The following NYNRIN variants were observed in gnomAD, a reference collection of about 807,000 sequenced individuals.
NYNRIN encodes the protein NYN domain and retroviral integrase containing, also known as protein NYNRIN.
A neutral mutation model predicts 146.6 loss-of-function variants in NYNRIN; 86 were observed. The observed-to-expected ratio is 0.59, with a 90% CI of 0.49 to 0.70. The LOEUF (loss-of-function observed/expected upper bound fraction) is 0.70, where lower values mean the gene tolerates loss of function less well. NYNRIN is among the 30% of genes least tolerant of loss of function. The probability of loss-of-function intolerance (pLI) is 0.00; values close to 1 mark genes in which losing one functional copy is unlikely to be tolerated. For synonymous variants in NYNRIN, 1,027 were observed against 1,001.3 expected (o/e 1.03, Z -0.48); for missense variants, 2,191 against 2,377.7 (o/e 0.92, Z 1.63).
chr14:24,416,401 T>A lies in NYNRIN; in HGVS notation c.4652T>A (p.Ile1551Asn). 1 of 1,612,980 alleles carries A rather than the reference T, an allele frequency of 6.2e-7. No individual in the cohort carries two copies. The highest frequency in any genetic ancestry group is 8.5e-7 in the Non-Finnish European group (1 of 1,179,400). Residue 1551 changes from isoleucine to asparagine, a missense_variant, in exon 9 of 9, where the codon ATT becomes AAT. Physicochemically the swap from Ile to Asn is moderately radical, Grantham distance 149. This residue lies in a region of NYNRIN where 1,291 missense variants were observed against 1,417.0 expected (regional missense o/e 0.91). Coordinates refer to ENST00000382554, the MANE Select transcript of NYNRIN (RefSeq NM_025081.3). ...GATCTGATTTTCTCTGTGCATGACA[T>A]TCCCTTGGGGGCCCACCAGAGGCCC... is the stretch of plus-strand genomic sequence containing the variant. ...RRDLIFSVHD[I>N]PLGAHQRPEE...
intron 2 of NYNRIN, 88 bp downstream of exon 2, chr14:24,399,532 A>G: frequency 1.7e-6 from 2 of 1,210,144 alleles, no homozygotes; most frequent in Non-Finnish European, 2.3e-6. Context: ...CCGCAGAGAC[A>G]CCACCCACCC....
chr14:24,399,208 A>G (rs1278612430), intron 1 of NYNRIN, 22 bp from the exon 2 acceptor site: 3 of 1,600,912 alleles, frequency 1.9e-6, no homozygotes, highest in Middle Eastern at 1.9e-4. Context: ...CCCGGGTGAC[A>G]CTATCGTCTC....
Position 24,399,067 on chromosome 14 carries a change from G to C in NYNRIN, c.-37G>C. The C allele has an allele frequency of 1.8e-6, 1 of 548,280 alleles. No homozygotes were observed. The highest frequency in any genetic ancestry group is 3.1e-6 in the Non-Finnish European group (1 of 320,020). 34.0% of individuals were successfully genotyped at this position (548,280 alleles called of 1,614,324 possible). On this transcript the variant is annotated 5_prime_UTR_variant, in exon 1 of 9. Coordinates refer to ENST00000382554, the MANE Select transcript of NYNRIN (RefSeq NM_025081.3). ...CGAAGGGGACCAAGCTCCAGAGGGC[G>C]GGCGCCCGAGCCGTGCGGGGTGGGT...
In NYNRIN at chr14:24,413,042, C is replaced by A; in HGVS notation, c.2688C>A (p.Thr896=). ...AGGAGACAGATGGCATCATTGTCAC[C>A]AATGAGCAGATTCACATCCTGATGA... ...LAEETDGIIV[T]NEQIHILMNS... is the part of the protein sequence containing the mutation. Residue 896 remains threonine (T), a synonymous_variant, in exon 7 of 9, where the codon ACC becomes ACA. Coordinates refer to ENST00000382554, the MANE Select transcript of NYNRIN (RefSeq NM_025081.3). 1 of 1,602,540 alleles carries A rather than the reference C, an allele frequency of 6.2e-7. No individual in the cohort carries two copies. Among genetic ancestry groups the A allele is most frequent in the South Asian group, 1.1e-5 (1 of 88,354 alleles).
chr14:24,418,381 C>T lies in NYNRIN; in HGVS notation c.*935C>T. On this transcript the variant is annotated 3_prime_UTR_variant, in exon 9 of 9. Transcript: ENST00000382554. ...CTCTACCTCCCAACCCCTCCCAACC[C>T]CATCCCAAAGCCTACAGTCCTCTGC... 2.4e-6 allele frequency: 1 copy of T among 423,406 alleles called. No individual in the cohort carries two copies. The highest frequency in any genetic ancestry group is 4.7e-6 in the Non-Finnish European group (1 of 211,788). 26.2% of individuals were successfully genotyped at this position (423,406 alleles called of 1,614,324 possible). A position where few individuals can be genotyped will look rare whatever the true frequency, so the allele number is the denominator to read the frequency against.
rs1297844334 is a variant in NYNRIN at position 24,409,218 on chromosome 14, A to C, written c.1424A>C (p.Asp475Ala). ...SSDVKDKVSS[D>A]LPQIGPPLTS... Reference sequence around the variant, plus strand: ...GATGTAAAAGACAAAGTTAGCTCGGATCTCCCACAGATAGGGCCACCCTTG... The same window carrying C: ...GATGTAAAAGACAAAGTTAGCTCGGCTCTCCCACAGATAGGGCCACCCTTG... Residue 475 changes from aspartate to alanine, a missense_variant, in exon 4 of 9, where the codon GAT becomes GCT. Asp to Ala is a moderately radical substitution (Grantham distance 126, BLOSUM62 -2). Coordinates refer to ENST00000382554, the MANE Select transcript of NYNRIN (RefSeq NM_025081.3). The C allele has an allele frequency of 6.2e-7, 1 of 1,613,842 alleles. No homozygotes were observed. The highest frequency in any genetic ancestry group is 1.7e-5 in the Admixed American group (1 of 59,988).
Position 24,414,867 on chromosome 14 carries a change from CG to C in NYNRIN, c.3120del (p.Cys1041AlafsTer74). The C allele has an allele frequency of 6.2e-7, 1 of 1,610,234 alleles. No individual in the cohort carries two copies. The highest frequency in any genetic ancestry group is 8.5e-7 in the Non-Finnish European group (1 of 1,177,162). On this transcript the variant is annotated frameshift_variant, in exon 9 of 9. Transcript: ENST00000382554. LOFTEE classifies it high-confidence loss of function. ...ECPSLSEEILRCLSLHDPPDG... is the reference protein window; with the variant it reads ...ECPSLSEEILXCLSLHDPPDG... ...CCCGTCCCTTTCGGAGGAGATCCTG[CG>C]GTGCCTCAGCCTCCATGATCCCCCT...
At chr14:24,405,724 G>T (rs1176647207) in intron 2 of NYNRIN, among the ~76,000 whole-genome samples, 1 of 151,958 alleles carries the variant, frequency 6.6e-6, no homozygotes, top group African/African-American at 2.4e-5. Context: ...TCTAAAATGG[G>T]GATAATAGTA....
Position 24,410,075 on chromosome 14 carries a change from G to C in NYNRIN, c.2281G>C (p.Ala761Pro). Residue 761 changes from alanine to proline, a missense_variant, in exon 4 of 9, where the codon GCG (alanine) becomes CCG (proline). By Grantham distance (27) the Ala-to-Pro change is conservative (BLOSUM62 -1). Around this residue, in one of 3 missense-constraint regions of NYNRIN, gnomAD observed 895 missense variants for 941.2 expected, o/e 0.95. Transcript: ENST00000382554. ...AAGGCAGCCACCTCGCCACCTGCAAGCGAACAGCACAGTGACCAGCTTCCA... is the reference window on the plus strand; with the variant it reads ...AAGGCAGCCACCTCGCCACCTGCAACCGAACAGCACAGTGACCAGCTTCCA... ...APRQPPRHLQ[A>P]NSTVTSFQRY... The C allele has an allele frequency of 6.2e-7, 1 of 1,614,004 alleles. No individual in the cohort carries two copies.
rs1193031586 is a variant in NYNRIN at position 24,417,936 on chromosome 14, C to G, written c.*490C>G. ...TTTTGGGGACCCTTTGCCCTTAGAG[C>G]TGTCACAGATGACATAAGCCTGGGC... On this transcript the variant is annotated 3_prime_UTR_variant, in exon 9 of 9. Coordinates refer to ENST00000382554, the MANE Select transcript of NYNRIN (RefSeq NM_025081.3). 9.0e-6 allele frequency: 2 copies of G among 221,358 alleles called. No individual in the cohort carries two copies. The highest frequency in any genetic ancestry group is 1.8e-5 in the Non-Finnish European group (2 of 109,728). The allele number at this position is 221,358 out of a possible 1,614,324, so 13.7% of individuals were successfully genotyped here. A position where few individuals can be genotyped will look rare whatever the true frequency, so the allele number is the denominator to read the frequency against.
At position 24,411,358 on chromosome 14, in the gene NYNRIN, C is replaced by T. The variant is rs1566486053; in HGVS notation, c.2550C>T (p.Ser850=). Reference sequence around the variant, plus strand: ...TCTTCTGCCTTTCACCCCCAGAGAGCCACTTTCTGACGAAGCTACACTCGC... The same window carrying T: ...TCTTCTGCCTTTCACCCCCAGAGAGTCACTTTCTGACGAAGCTACACTCGC... ...QLKKNRRVRE[S]HFLTKLHSLK... is the part of the protein sequence containing the mutation. The change falls in exon 6 of 9, where the codon AGC becomes AGT. Residue 850 remains serine (S), a synonymous_variant. Coordinates refer to ENST00000382554, the MANE Select transcript of NYNRIN (RefSeq NM_025081.3). The surrounding 1 kb of genome is among the most constrained non-coding windows in gnomAD (Gnocchi z 4.3). 6.2e-7 allele frequency: 1 copy of T among 1,613,962 alleles called. No homozygotes were observed. The highest frequency in any genetic ancestry group is 2.2e-5 in the East Asian group (1 of 44,878).
At chr14:24,410,280 A>G (rs1409377788) in intron 4 of NYNRIN, 72 bp downstream of exon 4, 23 of 1,281,392 alleles carry the variant, frequency 1.8e-5, no homozygotes, top group Non-Finnish European at 2.3e-5. Flanking sequence ...GGGGGACAGA[A>G]TGTGGGCATC....
In NYNRIN at chr14:24,415,035, T is replaced by G; in HGVS notation, c.3286T>G (p.Phe1096Val). The G allele has an allele frequency of 6.2e-7, 1 of 1,611,594 alleles. No homozygotes were observed. Among genetic ancestry groups the G allele is most frequent in the African/African-American group, 1.3e-5 (1 of 74,944 alleles). ...CCCCAGCAACTTCACCGCACTCTCC[T>G]TCTTCATGGGCTTCATGGACTCCCA... is the stretch of plus-strand genomic sequence containing the variant. ...TIPSNFTALSFFMGFMDSHRD... is the reference protein window; with the variant it reads ...TIPSNFTALSVFMGFMDSHRD... Residue 1096 changes from phenylalanine to valine, a missense_variant, in exon 9 of 9, where the codon TTC becomes GTC. Coordinates refer to ENST00000382554, the MANE Select transcript of NYNRIN (RefSeq NM_025081.3).
chr14:24,411,390 T>A lies in NYNRIN; in HGVS notation c.2582T>A (p.Met861Lys). 1 of 1,614,012 alleles carries A rather than the reference T, an allele frequency of 6.2e-7. No homozygotes were observed. Residue 861 changes from methionine (M) to lysine (K), a missense_variant, in exon 6 of 9, where the codon ATG becomes AAG. Physicochemically the swap from Met to Lys is moderately conservative, Grantham distance 95 (BLOSUM62 -1). This residue lies in a region of NYNRIN where 1,291 missense variants were observed against 1,417.0 expected (regional missense o/e 0.91). Coordinates refer to ENST00000382554, the MANE Select transcript of NYNRIN (RefSeq NM_025081.3). This position sits in a 1 kb window ranked among gnomAD's most constrained non-coding sequence, Gnocchi z 4.3. ...CTGACGAAGCTACACTCGCTCAAGA[T>A]GCTTTCAATCACACCCTCCCAGCTT... The part of the protein sequence containing the change: ...HFLTKLHSLK[M>K]LSITPSQLEN...
chr14:24,409,386 A>G lies in NYNRIN; in HGVS notation c.1592A>G (p.Asp531Gly). 1.9e-6 allele frequency: 3 copies of G among 1,614,022 alleles called. No homozygotes were observed. The highest frequency in any genetic ancestry group is 2.5e-6 in the Non-Finnish European group (3 of 1,179,908). ...CCCGTGGCTCAAGGGGGGCTGACAG[A>G]TCAGTCAGTACCTGGAGCTCAAACA... ...GKPVAQGGLT[D>G]QSVPGAQTVP... The change falls in exon 4 of 9, where the codon GAT (aspartate) becomes GGT (glycine). Residue 531 changes from aspartate (D) to glycine (G), a missense_variant. By Grantham distance (94) the Asp-to-Gly change is moderately conservative. Transcript: ENST00000382554.
At chr14:24,399,162 C>G in intron 1 of NYNRIN, 68 bp from the exon 2 acceptor site, 2 of 1,335,772 alleles carry the variant, frequency 1.5e-6, no homozygotes, top group Non-Finnish European at 2.1e-6. Flanking sequence ...GCTTAGGCGC[C>G]TGGGGCTGGG....
In NYNRIN at chr14:24,415,533, G is replaced by A; in HGVS notation, c.3784G>A (p.Val1262Ile). 6.2e-7 allele frequency: 1 copy of A among 1,613,860 alleles called. No homozygotes were observed. The highest frequency in any genetic ancestry group is 8.5e-7 in the Non-Finnish European group (1 of 1,179,820). Residue 1262 changes from valine to isoleucine, a missense_variant, in exon 9 of 9, where the codon GTT becomes ATT. This residue lies in a region of NYNRIN where 1,291 missense variants were observed against 1,417.0 expected (regional missense o/e 0.91). Coordinates refer to ENST00000382554, the MANE Select transcript of NYNRIN (RefSeq NM_025081.3). The stretch of plus-strand genomic sequence containing the variant: ...TTGGTTGATCCGATGGTCCCTCTTG[G>A]TTCAGGACAAAGGCAAGAGGGCCCT... ...KAWLIRWSLLVQDKGKRALEL... is the reference protein window; with the variant it reads ...KAWLIRWSLLIQDKGKRALEL...
chr14:24,416,249 ACTGT>A lies in NYNRIN; in HGVS notation c.4504_4507del (p.Ser1502AlafsTer33). 1.2e-6 allele frequency: 2 copies of A among 1,613,852 alleles called. No individual in the cohort carries two copies. Among genetic ancestry groups the A allele is most frequent in the South Asian group, 1.1e-5 (1 of 91,076 alleles). On this transcript the variant is annotated frameshift_variant, in exon 9 of 9. Transcript: ENST00000382554. LOFTEE classifies it high-confidence loss of function. The stretch of plus-strand genomic sequence containing the variant: ...TTGCCAGGCTGCAGGCTGGGCAGAA[ACTGT>A]CTGGCTCCTCACCGTTTAGTTCTGC...
At position 24,417,010 on chromosome 14, in the gene NYNRIN, A is replaced by G; in HGVS notation, c.5261A>G (p.Asp1754Gly). 1 of 1,598,898 alleles carries G rather than the reference A, an allele frequency of 6.3e-7. No homozygotes were observed. Reference sequence around the variant, plus strand: ...CTGGCCTTCAGGGCCTCCTCCACTGATGCCACACCGTTCAAGGTCCTGACC... The same window carrying G: ...CTGGCCTTCAGGGCCTCCTCCACTGGTGCCACACCGTTCAAGGTCCTGACC... ...LHLAFRASST[D>G]ATPFKVLTGG... The change falls in exon 9 of 9, where the codon GAT becomes GGT. Residue 1754 changes from aspartate (D) to glycine (G), a missense_variant. This residue lies in a region of NYNRIN where 1,291 missense variants were observed against 1,417.0 expected (regional missense o/e 0.91). Transcript: ENST00000382554.
Sources: allele counts gnomAD v4.1 joint callset (sites outside exome capture counted in the v4.1 genomes callset), GRCh38; gene constraint gnomAD v4.1.1; regional missense constraint gnomAD v4.1.1; non-coding constraint Gnocchi (gnomAD v3.1); transcripts MANE v1.5; gene names NCBI Gene and HGNC (gene_info 2026-07-23, HGNC 2026-07-21).